The following KDM4C variants were observed in gnomAD, a reference collection of about 807,000 sequenced individuals.
The protein encoded by KDM4C is lysine-specific demethylase 4C.
A neutral mutation model predicts 129.3 loss-of-function variants in KDM4C; 81 were observed. The ratio of observed to expected loss-of-function variants is 0.63; its 90% confidence interval spans 0.52 to 0.75. The LOEUF (loss-of-function observed/expected upper bound fraction) is 0.75. KDM4C is among the 30% of genes least tolerant of loss of function. KDM4C has a pLI of 0.00. For synonymous variants in KDM4C, 573 were observed against 456.1 expected (o/e 1.26, Z -3.26); for missense variants, 1,457 against 1,304.0 (o/e 1.12, Z -1.81).
chr9:6,823,811 A>G (rs1833431136), intron 4 of KDM4C, among the ~76,000 whole-genome samples: 2 of 152,246 alleles, frequency 1.3e-5, no homozygotes, highest in South Asian at 4.1e-4. Context: ...TGTCAAGTTA[A>G]TATCTGATGG....
intron 3 of KDM4C, among the ~76,000 whole-genome samples, chr9:6,809,889 C>T (rs935172686): frequency 6.6e-5 from 10 of 152,008 alleles, no homozygotes; most frequent in African/African-American, 2.4e-4. Context: ...CTCAGGTACT[C>T]AGGAGGCTGA....
chr9:6,767,100 C>T (rs1397039716), intron 1 of KDM4C, among the ~76,000 whole-genome samples: 2 of 151,632 alleles, frequency 1.3e-5, no homozygotes, highest in African/African-American at 4.8e-5. Flanking sequence ...GGTAGTTTAT[C>T]TCATTTTGTT....
At chr9:6,928,981 G>A (rs1354518045) in intron 8 of KDM4C, among the ~76,000 whole-genome samples, 1 of 152,148 alleles carries the variant, frequency 6.6e-6, no homozygotes, top group Admixed American at 6.5e-5. Flanking sequence ...GTAAAACCAA[G>A]TTACCTTGCA....
At position 6,782,914 on chromosome 9, in the gene KDM4C, A is replaced by G. The variant is rs1824679055; in HGVS notation, c.-17-10058A>G. Among the ~76,000 whole-genome samples, 3 of 152,166 alleles carry G rather than the reference A, an allele frequency of 2.0e-5. No individual in the cohort carries two copies. The South Asian group carries it at 6.2e-4, about 32-fold the overall frequency. On this transcript the variant is annotated intron_variant, in intron 1 of 21. Coordinates refer to ENST00000381309, the MANE Select transcript of KDM4C (RefSeq NM_015061.6). Reference sequence around the variant, plus strand: ...GACAGAAGTCACTCGGGATAGTAATAGTTGGTATGGAGACTAGAGAATGGA... The same window carrying G: ...GACAGAAGTCACTCGGGATAGTAATGGTTGGTATGGAGACTAGAGAATGGA...
chr9:7,018,551 G>A (rs556454599), intron 15 of KDM4C, among the ~76,000 whole-genome samples: 3 of 152,156 alleles, frequency 2.0e-5, no homozygotes, highest in African/African-American at 7.2e-5. Context: ...TATCTCCTTC[G>A]CCCTGAATCA....
At chr9:6,927,288 C>G (rs1822808564) in intron 8 of KDM4C, among the ~76,000 whole-genome samples, 1 of 152,118 alleles carries the variant, frequency 6.6e-6, no homozygotes, top group Admixed American at 6.6e-5. Context: ...TGCCACCAAG[C>G]CTAGCTAATT....
chr9:6,913,584 C>T (rs539597006), intron 8 of KDM4C, among the ~76,000 whole-genome samples: 3 of 152,300 alleles, frequency 2.0e-5, no homozygotes, highest in Admixed American at 6.5e-5. Context: ...GGTCAGTGGA[C>T]TTCACTTGTC....
intron 17 of KDM4C, among the ~76,000 whole-genome samples, chr9:7,081,231 G>T (rs1180980596): frequency 6.6e-6 from 1 of 152,170 alleles, no homozygotes; most frequent in Non-Finnish European, 1.5e-5. Flanking sequence ...TCTTTTATGT[G>T]CCACGTAGAC....
At chr9:6,992,369 C>G (rs144994118) in intron 12 of KDM4C, among the ~76,000 whole-genome samples, 1 of 152,160 alleles carries the variant, frequency 6.6e-6, no homozygotes, top group Admixed American at 6.5e-5. Context: ...TTGATGAAGT[C>G]GTCTCAAGGG....
intron 1 of KDM4C, among the ~76,000 whole-genome samples, chr9:6,733,737 A>C (rs1008784757): frequency 6.6e-6 from 1 of 152,222 alleles, no homozygotes; most frequent in Non-Finnish European, 1.5e-5. Flanking sequence ...AAGAATGGCT[A>C]TTCCATAGAC....
chr9:6,805,693 A>T lies in KDM4C; in HGVS notation c.239A>T (p.Gln80Leu), dbSNP rs1478233116. 2.5e-6 allele frequency: 4 copies of T among 1,614,038 alleles called. No individual in the cohort carries two copies. The highest frequency in any genetic ancestry group is 3.3e-5 in the Admixed American group (2 of 60,006). The change falls in exon 3 of 22, where the codon CAG (glutamine) becomes CTG (leucine). Residue 80 changes from glutamine to leucine, a missense_variant. Gln to Leu is a moderately radical substitution (Grantham distance 113, BLOSUM62 -2). Coordinates refer to ENST00000381309, the MANE Select transcript of KDM4C (RefSeq NM_015061.6). The stretch of plus-strand genomic sequence containing the variant: ...CCAATTCAGCAGATGGTCACAGGGC[A>T]GTCAGGACTGTTCACTCAGTACAAC... ...PAPIQQMVTG[Q>L]SGLFTQYNIQ...
chr9:6,859,831 C>T (rs1267850378), intron 5 of KDM4C, among the ~76,000 whole-genome samples: 1 of 148,066 alleles, frequency 6.8e-6, no homozygotes, highest in Admixed American at 6.8e-5. Flanking sequence ...TGCCACTGCA[C>T]TCCAGCCTGG....
At chr9:6,806,908 C>CTCTCCCTCTCCG (rs1330466614) in intron 3 of KDM4C, among the ~76,000 whole-genome samples, 14 of 144,894 alleles carry the variant, frequency 9.7e-5, no homozygotes, top group Non-Finnish European at 1.8e-4. Flanking sequence ...CTCCCTCTCC[C>CTCTCCCTCTCCG]TCTCCCTCTC....
At chr9:6,810,361 A>G (rs549210109) in intron 3 of KDM4C, among the ~76,000 whole-genome samples, 13 of 152,312 alleles carry the variant, frequency 8.5e-5, no homozygotes, top group African/African-American at 3.1e-4. Flanking sequence ...TGCTTTTTCA[A>G]ATGAATAAAT....
At chr9:6,922,237 T>A (rs1304531442) in intron 8 of KDM4C, among the ~76,000 whole-genome samples, 1 of 152,246 alleles carries the variant, frequency 6.6e-6, no homozygotes, top group Admixed American at 6.5e-5. Context: ...CCTATCTTAA[T>A]TTTTTGTTTT....
intron 5 of KDM4C, among the ~76,000 whole-genome samples, chr9:6,872,152 G>T (rs1335488781): frequency 5.3e-5 from 8 of 152,178 alleles, no homozygotes; most frequent in Non-Finnish European, 1.0e-4. Context: ...GAAGGTTGGA[G>T]TTAAATTGTG....
chr9:6,742,753 T>C (rs1817744636), intron 1 of KDM4C, among the ~76,000 whole-genome samples: 1 of 151,776 alleles, frequency 6.6e-6, no homozygotes, highest in South Asian at 2.1e-4. Flanking sequence ...TAAGAATCGC[T>C]TGAACCCCGG....
intron 3 of KDM4C, among the ~76,000 whole-genome samples, chr9:6,813,197 T>A (rs889805640): frequency 2.7e-5 from 4 of 150,456 alleles, no homozygotes; most frequent in Admixed American, 6.6e-5. Flanking sequence ...AGAAAAACAT[T>A]AAAAAAAAAA....
chr9:6,859,453 G>A (rs1322951006), intron 5 of KDM4C, among the ~76,000 whole-genome samples: 12 of 124,310 alleles, frequency 9.7e-5, no homozygotes, highest in Non-Finnish European at 1.6e-4. Context: ...CCAGCCTGGC[G>A]ACAGAGCGGG....
Sources: gnomAD v4.1 joint callset for allele counts (sites outside exome capture counted in the v4.1 genomes callset) on GRCh38, gnomAD v4.1.1 for gene constraint, MANE v1.5 for transcripts, NCBI Gene and HGNC (gene_info 2026-07-23, HGNC 2026-07-21) for gene names.